The following BMPR2 variants were observed in gnomAD, a reference collection of about 807,000 sequenced individuals.
BMPR2 encodes the protein bone morphogenetic protein receptor type 2.
A neutral mutation model predicts 100.8 loss-of-function variants in BMPR2; 29 were observed. That is an observed-to-expected ratio of 0.29 (90% CI 0.21 to 0.39). The LOEUF is 0.39. BMPR2 is among the 10% of genes least tolerant of loss of function. BMPR2 has a pLI of 1.00. For synonymous variants in BMPR2, 382 were observed against 442.3 expected (o/e 0.86, Z 1.71); for missense variants, 1,011 against 1,274.5 (o/e 0.79, Z 3.15).
chr2:202,466,986 T>G (rs1487537477), intron 2 of BMPR2: 1 of 166,496 alleles, frequency 6.0e-6, no homozygotes, highest in Non-Finnish European at 1.3e-5. Flanking sequence ...ATTAGCTGGG[T>G]GCAGTGGCTC....
At chr2:202,407,276 G>C (rs184626834) in intron 1 of BMPR2, among the ~76,000 whole-genome samples, 16 of 151,872 alleles carry the variant, frequency 1.1e-4, no homozygotes, top group African/African-American at 3.4e-4. Context: ...ACGGGACTTT[G>C]CCATGTTGCT....
At position 202,564,005 on chromosome 2, in the gene BMPR2, G is replaced by T. The variant is rs1231672896; in HGVS notation, c.*4059G>T. The T allele has an allele frequency of 3.3e-5, 5 of 152,274 alleles. No individual in the cohort carries two copies. In the East Asian group the frequency reaches 9.6e-4, roughly 29 times the overall value. The allele number at this position is 152,274 out of a possible 1,614,324, so 9.4% of individuals were successfully genotyped here. A position where few individuals can be genotyped will look rare whatever the true frequency, so the allele number is the denominator to read the frequency against. On this transcript the variant is annotated 3_prime_UTR_variant, in exon 13 of 13. Transcript: ENST00000374580. ...TTTAAAGAGAGAAAGGAACACTCAA[G>T]TAAGTGTGGGCTTCAGTGGGAATTA...
At chr2:202,522,669 A>G (rs1347770063) in intron 7 of BMPR2, among the ~76,000 whole-genome samples, 1 of 151,940 alleles carries the variant, frequency 6.6e-6, no homozygotes, top group African/African-American at 2.4e-5. Flanking sequence ...CATCTCTACA[A>G]AAAAAGTTTT....
intron 1 of BMPR2, among the ~76,000 whole-genome samples, chr2:202,405,687 CA>C (rs397987374): frequency 0.15 from 9,456 of 62,724 alleles, 138 homozygotes; most frequent in African/African-American, 0.16. Flanking sequence ...GACTCCGCCT[CA>C]AAAAAAAAAA....
At chr2:202,504,346 G>T (rs1415171125) in intron 3 of BMPR2, among the ~76,000 whole-genome samples, 1 of 151,914 alleles carries the variant, frequency 6.6e-6, no homozygotes, top group East Asian at 1.9e-4. Context: ...CTTCACTCCT[G>T]AAGCCAGCGA....
intron 7 of BMPR2, among the ~76,000 whole-genome samples, chr2:202,524,938 G>A (rs1687881822): frequency 6.6e-6 from 1 of 151,922 alleles, no homozygotes; most frequent in African/African-American, 2.4e-5. Flanking sequence ...GTGCTTGGGA[G>A]GCTGAGGCAG....
At chr2:202,498,374 G>A (rs1452846077) in intron 3 of BMPR2, among the ~76,000 whole-genome samples, 1 of 152,064 alleles carries the variant, frequency 6.6e-6, no homozygotes, top group Non-Finnish European at 1.5e-5. Flanking sequence ...GTCAGTGAGC[G>A]CAACTATTCC....
chr2:202,513,340 A>C (rs1001064938), intron 3 of BMPR2, among the ~76,000 whole-genome samples: 2 of 152,172 alleles, frequency 1.3e-5, no homozygotes, highest in Non-Finnish European at 2.9e-5. Flanking sequence ...AACTTGGGAA[A>C]TACAGAGTAC....
intron 1 of BMPR2, among the ~76,000 whole-genome samples, chr2:202,386,351 A>G (rs138758155): frequency 3.9e-5 from 6 of 152,320 alleles, no homozygotes; most frequent in African/African-American, 1.4e-4. Flanking sequence ...AAGCTGCTTC[A>G]CCAGACCTGT....
chr2:202,412,817 C>T (rs565165306), intron 1 of BMPR2, among the ~76,000 whole-genome samples: 1 of 151,722 alleles, frequency 6.6e-6, no homozygotes, highest in Non-Finnish European at 1.5e-5. Flanking sequence ...ATGTTTATAC[C>T]TATGGTCTTC....
intron 1 of BMPR2, among the ~76,000 whole-genome samples, chr2:202,386,664 C>T (rs1690433311): frequency 6.6e-6 from 1 of 151,770 alleles, no homozygotes; most frequent in Non-Finnish European, 1.5e-5. Flanking sequence ...ACATAGTAGC[C>T]TGAGTGACCC....
At chr2:202,442,559 C>T (rs1691770388) in intron 1 of BMPR2, among the ~76,000 whole-genome samples, 1 of 150,560 alleles carries the variant, frequency 6.6e-6, no homozygotes, top group Non-Finnish European at 1.5e-5. Context: ...CCCTATCCTG[C>T]ATGGCTGAAA....
intron 1 of BMPR2, among the ~76,000 whole-genome samples, chr2:202,434,908 A>AAAATAT (rs1559037398): frequency 2.6e-5 from 1 of 38,420 alleles, no homozygotes; most frequent in African/African-American, 1.1e-4. Flanking sequence ...AAAAAAAAAA[A>AAAATAT]ATATATATAT....
At chr2:202,477,763 G>A (rs1187886330) in intron 3 of BMPR2, among the ~76,000 whole-genome samples, 1 of 151,924 alleles carries the variant, frequency 6.6e-6, no homozygotes, top group East Asian at 1.9e-4. Context: ...CTCCAGCCTG[G>A]GCGACAGAGT....
chr2:202,437,868 T>C (rs1256975019), intron 1 of BMPR2, among the ~76,000 whole-genome samples: 1 of 150,702 alleles, frequency 6.6e-6, no homozygotes, highest in Non-Finnish European at 1.5e-5. Context: ...TTTCATCAAT[T>C]GATGGACATG....
intron 1 of BMPR2, among the ~76,000 whole-genome samples, chr2:202,407,722 T>C (rs1690930795): frequency 6.6e-6 from 1 of 150,564 alleles, no homozygotes. Flanking sequence ...TGAGCCAAGA[T>C]CCAGCCTGGG....
intron 3 of BMPR2, among the ~76,000 whole-genome samples, chr2:202,499,897 T>C (rs1410489581): frequency 6.6e-6 from 1 of 151,864 alleles, no homozygotes; most frequent in Non-Finnish European, 1.5e-5. Flanking sequence ...GAAAATGGAG[T>C]AGGCCAATCA....
At chr2:202,538,438 C>T (rs553477133) in intron 9 of BMPR2, among the ~76,000 whole-genome samples, 233 of 151,268 alleles carry the variant, frequency 1.5e-3, no homozygotes, top group Middle Eastern at 3.6e-3. Context: ...TCCTGGGCAA[C>T]AGAGCGAGAC....
At chr2:202,486,541 A>C (rs2105978153) in intron 3 of BMPR2, among the ~76,000 whole-genome samples, 1 of 151,950 alleles carries the variant, frequency 6.6e-6, no homozygotes, top group East Asian at 1.9e-4. Context: ...CTACAGCACA[A>C]GAATTGCTTG....
Sources: allele counts gnomAD v4.1 joint callset (sites outside exome capture counted in the v4.1 genomes callset), GRCh38; gene constraint gnomAD v4.1.1; transcripts MANE v1.5; gene names NCBI Gene and HGNC (gene_info 2026-07-23, HGNC 2026-07-21).